The following MAP4K3 variants were observed in gnomAD, a reference collection of about 807,000 sequenced individuals.
MAP4K3 encodes MAPK/ERK kinase kinase kinase 3.
In MAP4K3, 94 loss-of-function variants were observed where a neutral mutation model predicts 143.5. The ratio of observed to expected loss-of-function variants is 0.65; its 90% CI spans 0.55 to 0.78. MAP4K3 has a LOEUF of 0.78. Ranked by LOEUF, MAP4K3 falls within the 30% of genes least tolerant of loss-of-function variation. The probability of loss-of-function intolerance (pLI) is 0.00; values close to 1 mark genes in which losing one functional copy is unlikely to be tolerated. For synonymous variants in MAP4K3, 416 were observed against 347.2 expected (o/e 1.20, Z -2.20); for missense variants, 1,077 against 1,068.1 (o/e 1.01, Z -0.12).
Position 39,330,695 on chromosome 2 carries a change from T to C in MAP4K3, c.530+1222A>G, listed in dbSNP as rs551853015. The stretch of plus-strand genomic sequence containing the variant: ...CCCGACAAAAATCAGCACTGACAGA[T>C]AATGTGACAGACTTTATGGTATAGA... On this transcript the variant is annotated intron_variant, in intron 8 of 33. Coordinates refer to ENST00000263881, the MANE Select transcript of MAP4K3 (RefSeq NM_003618.4). Among the ~76,000 whole-genome samples the C allele has an allele frequency of 2.6e-5, 4 of 152,218 alleles. No individual in the cohort carries two copies. The South Asian group carries it at 6.2e-4, about 24-fold the overall frequency.
At chr2:39,428,066 T>C (rs1418492788) in intron 1 of MAP4K3, among the ~76,000 whole-genome samples, 1 of 151,888 alleles carries the variant, frequency 6.6e-6, no homozygotes, top group Non-Finnish European at 1.5e-5. Context: ...TATTTTTCCC[T>C]TAAATTAAAA....
At chr2:39,409,294 T>C (rs923076885) in intron 1 of MAP4K3, among the ~76,000 whole-genome samples, 5 of 152,260 alleles carry the variant, frequency 3.3e-5, no homozygotes, top group African/African-American at 1.2e-4. Flanking sequence ...GTAAGACCTC[T>C]GGTCAACAGT....
chr2:39,435,033 T>C (rs1260467421), intron 1 of MAP4K3, among the ~76,000 whole-genome samples: 1 of 152,158 alleles, frequency 6.6e-6, no homozygotes, highest in Non-Finnish European at 1.5e-5. Context: ...TGTAAAAAAA[T>C]TCACTGTATA....
intron 3 of MAP4K3, among the ~76,000 whole-genome samples, chr2:39,352,890 T>C (rs1220886204): frequency 6.6e-6 from 1 of 152,134 alleles, no homozygotes. Context: ...AAATTTGTTA[T>C]ACAGGTTGTA....
At chr2:39,289,691 T>C (rs749343442) in intron 19 of MAP4K3, among the ~76,000 whole-genome samples, 8 of 152,222 alleles carry the variant, frequency 5.3e-5, no homozygotes, top group Non-Finnish European at 1.0e-4. Context: ...AGAAAAACAA[T>C]CTTGTAAGAA....
intron 1 of MAP4K3, among the ~76,000 whole-genome samples, chr2:39,409,780 CTGTT>C (rs1201658116): frequency 6.6e-6 from 1 of 152,192 alleles, no homozygotes; most frequent in Admixed American, 6.5e-5. Flanking sequence ...CATGGAATCT[CTGTT>C]TATGTTACAG....
intron 1 of MAP4K3, among the ~76,000 whole-genome samples, chr2:39,404,521 A>G (rs1667038880): frequency 6.6e-6 from 1 of 151,652 alleles, no homozygotes; most frequent in South Asian, 2.1e-4. Flanking sequence ...AAGGACTGGG[A>G]AAGACCACGC....
At chr2:39,414,280 C>T (rs1274094774) in intron 1 of MAP4K3, among the ~76,000 whole-genome samples, 1 of 152,106 alleles carries the variant, frequency 6.6e-6, no homozygotes, top group African/African-American at 2.4e-5. Context: ...CTGCTCTTAA[C>T]CTTAAAATTG....
chr2:39,272,211 C>G (rs1171510649), intron 26 of MAP4K3, 72 bp downstream of exon 26: 1 of 1,197,402 alleles, frequency 8.4e-7, no homozygotes, highest in Non-Finnish European at 1.2e-6. Context: ...AGTGCTCTTT[C>G]ACTTTCTGTA....
chr2:39,385,324 G>C lies in MAP4K3; in HGVS notation c.97-7201C>G, dbSNP rs114535264. On this transcript the variant is annotated intron_variant, in intron 1 of 33. Transcript: ENST00000263881. ...AGCAACGCATGGTGGGGTTCCACTT[G>C]CTTCACATCCTTGCCAAGAGCTGGC... Among the ~76,000 whole-genome samples, 1,036 of 152,050 alleles carry C rather than the reference G, an allele frequency of 6.8e-3. 11 individuals are homozygous for C. The highest frequency in any genetic ancestry group is 0.024 in the African/African-American group (989 of 41,432).
At chr2:39,337,461 A>T in intron 5 of MAP4K3, 65 bp downstream of exon 5, 1 of 1,149,542 alleles carries the variant, frequency 8.7e-7, no homozygotes, top group Non-Finnish European at 1.3e-6. Flanking sequence ...CTGAACAGGT[A>T]ATGCACAGTA....
At chr2:39,270,736 A>AT (rs1447124179) in intron 26 of MAP4K3, among the ~76,000 whole-genome samples, 1 of 152,178 alleles carries the variant, frequency 6.6e-6, no homozygotes, top group African/African-American at 2.4e-5. Context: ...AATGAGAACC[A>AT]TGAGGCTCTT....
At chr2:39,355,925 T>G (rs947462903) in intron 3 of MAP4K3, among the ~76,000 whole-genome samples, 1 of 152,216 alleles carries the variant, frequency 6.6e-6, no homozygotes, top group Non-Finnish European at 1.5e-5. Flanking sequence ...TGCTCCTGAC[T>G]CTACACTGAC....
chr2:39,281,712 T>C (rs554523417), intron 22 of MAP4K3, among the ~76,000 whole-genome samples: 64 of 152,120 alleles, frequency 4.2e-4, no homozygotes, highest in Non-Finnish European at 7.2e-4. Context: ...AAATCTGCCC[T>C]ATTTTATGTA....
chr2:39,284,812 C>G (rs1681692461), intron 21 of MAP4K3, among the ~76,000 whole-genome samples: 1 of 151,732 alleles, frequency 6.6e-6, no homozygotes, highest in South Asian at 2.1e-4. Flanking sequence ...CCACTGCACT[C>G]TGGCCTGGGC....
Position 39,265,221 on chromosome 2 carries a change from C to T in MAP4K3, c.2118G>A (p.Gln706=). 1.9e-6 allele frequency: 3 copies of T among 1,606,446 alleles called. No homozygotes were observed. The highest frequency in any genetic ancestry group is 2.6e-6 in the Non-Finnish European group (3 of 1,173,230). The change falls in exon 28 of 34, where the codon CAG becomes CAA. Residue 706 remains glutamine (Q), a synonymous_variant. Transcript: ENST00000263881. The stretch of plus-strand genomic sequence containing the variant: ...TGCTTACCTTAATTAACATAAATTT[C>T]TGCATTGGTTCAACCCATTCTAATA... ...IVLLEWVEPM[Q]KFMLIKHIDF...
At chr2:39,302,382 T>C (rs1431300372) in intron 15 of MAP4K3, among the ~76,000 whole-genome samples, 1 of 152,226 alleles carries the variant, frequency 6.6e-6, no homozygotes, top group East Asian at 1.9e-4. Context: ...GTTTCTAATC[T>C]CATTTAATAC....
intron 8 of MAP4K3, 151 bp downstream of exon 8, chr2:39,331,766 C>A: frequency 2.3e-6 from 1 of 427,708 alleles, no homozygotes; most frequent in Non-Finnish European, 4.3e-6. Flanking sequence ...CCATGTAATC[C>A]ACCCATAAGT....
chr2:39,412,976 T>C (rs1359525188), intron 1 of MAP4K3, among the ~76,000 whole-genome samples: 11 of 152,232 alleles, frequency 7.2e-5, no homozygotes, highest in Admixed American at 6.5e-4. Context: ...TTTTTAAAGA[T>C]TTCTTGTATT....
Sources: gnomAD v4.1 joint callset for allele counts (sites outside exome capture counted in the v4.1 genomes callset) on GRCh38, gnomAD v4.1.1 for gene constraint, MANE v1.5 for transcripts, NCBI Gene and HGNC (gene_info 2026-07-23, HGNC 2026-07-21) for gene names.